The following BLTP3B variants were observed in gnomAD, a reference collection of about 807,000 sequenced individuals.
The protein encoded by BLTP3B is UHRF1 (ICBP90) binding protein 1-like.
At chr12:100,120,469 AAGATGCCCAACATT>A in the BLTP3B span, among the ~76,000 whole-genome samples, 4 of 152,318 alleles carry the variant, frequency 2.6e-5, no homozygotes, top group African/African-American at 9.6e-5. Flanking sequence ...GGCACTTGAA[AAGATGCCCAACATT>A]AGTCATTAGA....
At chr12:100,093,153 A>G in the BLTP3B span, among the ~76,000 whole-genome samples, 1 of 152,214 alleles carries the variant, frequency 6.6e-6, no homozygotes, top group Non-Finnish European at 1.5e-5. Context: ...ATTCTATGTT[A>G]GGGCCCAGTG....
the BLTP3B span, among the ~76,000 whole-genome samples, chr12:100,076,165 A>AC: frequency 3.3e-5 from 5 of 151,782 alleles, no homozygotes; most frequent in African/African-American, 1.2e-4. Context: ...CATTTTTTTC[A>AC]CCCCCCAAAA....
chr12:100,142,510 C>A, the BLTP3B span: 2 of 1,492,534 alleles, frequency 1.3e-6, no homozygotes, highest in Non-Finnish European at 1.8e-6. Flanking sequence ...CGCCAGGCGC[C>A]GCCGCCCCCG....
chr12:100,130,949 C>CATACATACATACATACATATATAT, the BLTP3B span, among the ~76,000 whole-genome samples: 16 of 97,568 alleles, frequency 1.6e-4, no homozygotes, highest in Middle Eastern at 4.9e-3. Flanking sequence ...TACATACATA[C>CATACATACATACATACATATATAT]ATATATATAT....
At chr12:100,140,729 AATATATATATAT>A in the BLTP3B span, among the ~76,000 whole-genome samples, 5 of 61,490 alleles carry the variant, frequency 8.1e-5, no homozygotes, top group African/African-American at 4.1e-4. Context: ...AAAAAAAAAA[AATATATATATAT>A]ATATATATAT....
chr12:100,126,771 T>G, the BLTP3B span, among the ~76,000 whole-genome samples: 1 of 152,212 alleles, frequency 6.6e-6, no homozygotes, highest in Non-Finnish European at 1.5e-5. Context: ...AGTGTTTAGT[T>G]GCAACAACTG....
the BLTP3B span, among the ~76,000 whole-genome samples, chr12:100,074,337 A>C: frequency 6.6e-6 from 1 of 152,158 alleles, no homozygotes; most frequent in Non-Finnish European, 1.5e-5. Context: ...GATGGCTCAC[A>C]CCTGTAATCC....
At chr12:100,059,108 A>T in the BLTP3B span, 1 of 1,614,098 alleles carries the variant, frequency 6.2e-7, no homozygotes. Flanking sequence ...AAATGGAAAG[A>T]GGGAATGAGT....
the BLTP3B span, chr12:100,060,117 T>G: frequency 5.1e-6 from 6 of 1,174,184 alleles, no homozygotes; most frequent in Non-Finnish European, 6.9e-6. Context: ...AAAAAATACA[T>G]GTTTAGTCAG....
the BLTP3B span, among the ~76,000 whole-genome samples, chr12:100,106,055 A>G: frequency 6.6e-6 from 1 of 152,214 alleles, no homozygotes; most frequent in African/African-American, 2.4e-5. Flanking sequence ...TTGAAAAACA[A>G]TCGATGTTGG....
the BLTP3B span, among the ~76,000 whole-genome samples, chr12:100,086,532 G>GC: frequency 2.0e-5 from 3 of 152,072 alleles, no homozygotes; most frequent in Non-Finnish European, 4.4e-5. Flanking sequence ...TATTTACTGA[G>GC]CCCCCCTCAT....
the BLTP3B span, among the ~76,000 whole-genome samples, chr12:100,084,106 T>C: frequency 9.9e-5 from 15 of 151,992 alleles, no homozygotes; most frequent in South Asian, 2.9e-3. Context: ...GGAGAATCGC[T>C]TGAACCCGGG....
chr12:100,056,271 G>A, the BLTP3B span, among the ~76,000 whole-genome samples: 2 of 152,060 alleles, frequency 1.3e-5, no homozygotes, highest in East Asian at 1.9e-4. Flanking sequence ...AAAATGCAAC[G>A]CTTACAATTT....
At chr12:100,051,115 T>C in the BLTP3B span, 8 of 1,613,962 alleles carry the variant, frequency 5.0e-6, no homozygotes, top group Non-Finnish European at 6.8e-6. Flanking sequence ...CCTCTGAATT[T>C]GTACTGATGG....
chr12:100,126,976 G>A, the BLTP3B span, among the ~76,000 whole-genome samples: 2 of 151,624 alleles, frequency 1.3e-5, no homozygotes, highest in Admixed American at 1.3e-4. Flanking sequence ...CTTGGTAGGT[G>A]ATTTGAATAA....
chr12:100,076,619 C>T, the BLTP3B span, among the ~76,000 whole-genome samples: 28 of 152,152 alleles, frequency 1.8e-4, no homozygotes, highest in Non-Finnish European at 2.6e-4. Flanking sequence ...GTCTCTAACT[C>T]CTGACCTCAA....
At chr12:100,135,347 C>T in the BLTP3B span, among the ~76,000 whole-genome samples, 1 of 148,828 alleles carries the variant, frequency 6.7e-6, no homozygotes, top group African/African-American at 2.6e-5. Flanking sequence ...CAGTTCACTG[C>T]AACCTCTGCC....
chr12:100,050,042 T>A, the BLTP3B span: 1 of 985,010 alleles, frequency 1.0e-6, no homozygotes, highest in Non-Finnish European at 1.4e-6. Context: ...TAACTACTAA[T>A]AATAAGTAAA....
the BLTP3B span, among the ~76,000 whole-genome samples, chr12:100,122,883 T>C: frequency 6.6e-6 from 1 of 152,144 alleles, no homozygotes; most frequent in African/African-American, 2.4e-5. Context: ...AGGCCAAACT[T>C]TCTCCCCTGA....
Sources: gnomAD v4.1 joint callset for allele counts (sites outside exome capture counted in the v4.1 genomes callset) on GRCh38, gnomAD v4.1.1 for gene constraint, MANE v1.5 for transcripts, NCBI Gene and HGNC (gene_info 2026-07-23, HGNC 2026-07-21) for gene names.